Variants in ANO6 observed in about 807,000 individuals in gnomAD.
The protein encoded by ANO6 is anoctamin 6.
A neutral mutation model predicts 117.5 loss-of-function variants in ANO6; 106 were observed. The ratio of observed to expected loss-of-function variants is 0.90; its 90% CI spans 0.77 to 1.06. The LOEUF (loss-of-function observed/expected upper bound fraction) is 1.06, where lower values mean the gene tolerates loss of function less well. Among genes scored for constraint, ANO6 ranks in the 50% least tolerant of loss-of-function variants. The pLI is 0.00. For missense variants in ANO6, 955 were observed against 1,121.1 expected, an observed-to-expected ratio of 0.85 and a Z score of 2.12; for synonymous variants, 367 against 385.1, an observed-to-expected ratio of 0.95 and a Z score of 0.55.
chr12:45,432,215 A>AAGAT lies in ANO6; in HGVS notation c.*2905_*2908dup. ...TGATGCTTTTCACACATTGTGGCAT[A>AAGAT]AGATGTAAAGTTTGTAATTAATGTT... On this transcript the variant is annotated 3_prime_UTR_variant, in exon 20 of 20. Transcript: ENST00000320560. 1 of 980,450 alleles carries AAGAT rather than the reference A, an allele frequency of 1.0e-6. No individual in the cohort carries two copies. Among genetic ancestry groups the AAGAT allele is most frequent in the Non-Finnish European group, 1.2e-6 (1 of 826,798 alleles). The allele number at this position is 980,450 out of a possible 1,614,324, so 60.7% of individuals were successfully genotyped here. A position where few individuals can be genotyped will look rare whatever the true frequency, so the allele number is the denominator to read the frequency against.
At chr12:45,380,802 G>A (rs1282676758) in intron 10 of ANO6, among the ~76,000 whole-genome samples, 1 of 152,018 alleles carries the variant, frequency 6.6e-6, no homozygotes, top group Non-Finnish European at 1.5e-5. Context: ...GTGAAACCTC[G>A]CCTCTACTAA....
chr12:45,309,204 A>T (rs1271961024), intron 2 of ANO6, among the ~76,000 whole-genome samples: 2 of 152,062 alleles, frequency 1.3e-5, no homozygotes. Context: ...GCCAGAATGC[A>T]TTGGTCATGT....
chr12:45,424,361 CAG>C (rs1943447220), intron 19 of ANO6, among the ~76,000 whole-genome samples: 1 of 76,854 alleles, frequency 1.3e-5, no homozygotes, highest in Non-Finnish European at 2.3e-5. Flanking sequence ...TTTTTAAAGA[CAG>C]AGTCTCACTC....
At chr12:45,255,386 C>A (rs1184363229) in intron 1 of ANO6, among the ~76,000 whole-genome samples, 1 of 152,100 alleles carries the variant, frequency 6.6e-6, no homozygotes, top group African/African-American at 2.4e-5. Context: ...ACCTGTAGTC[C>A]CAGCTACTCG....
intron 2 of ANO6, among the ~76,000 whole-genome samples, chr12:45,304,710 T>A (rs1415476542): frequency 6.6e-6 from 1 of 152,192 alleles, no homozygotes; most frequent in African/African-American, 2.4e-5. Context: ...TTAGTTCATT[T>A]CCTTCAGAAT....
At chr12:45,427,678 T>C (rs1444380711) in intron 19 of ANO6, among the ~76,000 whole-genome samples, 1 of 149,668 alleles carries the variant, frequency 6.7e-6, no homozygotes, top group Admixed American at 6.7e-5. Flanking sequence ...TCATTGGTAA[T>C]CAGGAAAATG....
At position 45,278,186 on chromosome 12, in the gene ANO6, G is replaced by A. The variant is rs151156395; in HGVS notation, c.71-23828G>A. Among the ~76,000 whole-genome samples the A allele has an allele frequency of 5.3e-3, 803 of 152,234 alleles. 4 individuals are homozygous for A. Among genetic ancestry groups the A allele is most frequent in the African/African-American group, 0.018 (733 of 41,540 alleles). ...TGCCCAGGCTGGTCTGGAACTCTAG[G>A]CCTTAAGTGATCCTCCCCACCTTAG... is the stretch of plus-strand genomic sequence containing the variant. On this transcript the variant is annotated intron_variant, in intron 1 of 19. Coordinates refer to ENST00000320560, the MANE Select transcript of ANO6 (RefSeq NM_001025356.3).
intron 7 of ANO6, among the ~76,000 whole-genome samples, chr12:45,354,306 C>G (rs1039330599): frequency 1.3e-5 from 2 of 152,130 alleles, no homozygotes; most frequent in Non-Finnish European, 2.9e-5. Context: ...TGACACTACA[C>G]ACTGAAAGAC....
intron 1 of ANO6, among the ~76,000 whole-genome samples, chr12:45,253,935 A>T (rs1270471356): frequency 6.6e-6 from 1 of 152,152 alleles, no homozygotes; most frequent in Non-Finnish European, 1.5e-5. Context: ...TTGGGAGGCC[A>T]AGGTGGGCGG....
At chr12:45,308,048 A>ATGTTTTT (rs1939728865) in intron 2 of ANO6, among the ~76,000 whole-genome samples, 1 of 69,296 alleles carries the variant, frequency 1.4e-5, no homozygotes, top group Non-Finnish European at 2.6e-5. Context: ...TGTGTGTGTA[A>ATGTTTTT]TTTTTTTTTT....
chr12:45,318,699 A>G (rs1006547762), intron 2 of ANO6, among the ~76,000 whole-genome samples: 6 of 152,154 alleles, frequency 3.9e-5, no homozygotes, highest in African/African-American at 1.4e-4. Context: ...CATTGAATCT[A>G]TAAATTACCT....
At chr12:45,310,928 A>G (rs1323528133) in intron 2 of ANO6, among the ~76,000 whole-genome samples, 2 of 152,086 alleles carry the variant, frequency 1.3e-5, no homozygotes, top group African/African-American at 4.8e-5. Flanking sequence ...GTTTAAGCAG[A>G]TGGTTTGTGA....
At chr12:45,340,054 C>CTAT (rs1412026011) in intron 3 of ANO6, among the ~76,000 whole-genome samples, 1 of 152,054 alleles carries the variant, frequency 6.6e-6, no homozygotes. Context: ...ACAATCAGTA[C>CTAT]TATTACTGTG....
intron 8 of ANO6, among the ~76,000 whole-genome samples, chr12:45,365,232 CAA>C (rs1941654459): frequency 6.6e-6 from 1 of 152,210 alleles, no homozygotes; most frequent in Non-Finnish European, 1.5e-5. Context: ...TGCAGAACCT[CAA>C]AGTCAGCCAG....
chr12:45,293,852 G>A (rs1939200513), intron 1 of ANO6, among the ~76,000 whole-genome samples: 1 of 149,980 alleles, frequency 6.7e-6, no homozygotes, highest in Non-Finnish European at 1.5e-5. Context: ...CAAAGTGCTG[G>A]GATTACAAGC....
intron 1 of ANO6, among the ~76,000 whole-genome samples, chr12:45,235,439 A>G (rs1947630818): frequency 6.6e-6 from 1 of 152,210 alleles, no homozygotes; most frequent in South Asian, 2.1e-4. Context: ...GGCACGTAAG[A>G]AAGATCAAAT....
intron 1 of ANO6, among the ~76,000 whole-genome samples, chr12:45,260,943 G>A (rs1448671776): frequency 1.3e-5 from 2 of 151,488 alleles, no homozygotes; most frequent in South Asian, 2.1e-4. Flanking sequence ...ATGTGCCACC[G>A]CAACCGGCTG....
At chr12:45,412,253 A>T (rs56278029) in intron 16 of ANO6, among the ~76,000 whole-genome samples, 2,754 of 152,288 alleles carry the variant, frequency 0.018, 79 homozygotes, top group African/African-American at 0.062. Context: ...CTGCAGACAC[A>T]GGTGTCCTGA....
intron 2 of ANO6, among the ~76,000 whole-genome samples, chr12:45,321,923 C>T (rs1940287612): frequency 6.6e-6 from 1 of 152,102 alleles, no homozygotes; most frequent in Non-Finnish European, 1.5e-5. Context: ...ATTACTGCGC[C>T]ATCAAGAACA....
Sources: allele counts gnomAD v4.1 joint callset (sites outside exome capture counted in the v4.1 genomes callset), GRCh38; gene constraint gnomAD v4.1.1; transcripts MANE v1.5; gene names NCBI Gene and HGNC (gene_info 2026-07-23, HGNC 2026-07-21).